The following FSTL5 variants were observed in gnomAD, a reference collection of about 807,000 sequenced individuals.
FSTL5 encodes the protein follistatin-related protein 5.
FSTL5 carries 62 observed loss-of-function variants against 89.1 expected under a neutral mutation model. The ratio of observed to expected loss-of-function variants is 0.70; its 90% CI spans 0.57 to 0.86. The LOEUF is 0.86. Ranked by LOEUF, FSTL5 falls within the 40% of genes least tolerant of loss-of-function variation. FSTL5 has a pLI of 0.00. For missense variants in FSTL5, 1,057 were observed against 1,001.6 expected, an observed-to-expected ratio of 1.06 and a Z score of -0.75; for synonymous variants, 383 against 346.2, an observed-to-expected ratio of 1.11 and a Z score of -1.18.
intron 7 of FSTL5, among the ~76,000 whole-genome samples, chr4:161,627,241 A>G (rs115113777): frequency 0.02 from 3,016 of 152,280 alleles, 85 homozygotes; most frequent in South Asian, 0.14. Flanking sequence ...CCCAATTTTC[A>G]GCTTCTACCA....
Position 161,425,428 on chromosome 4 carries a change from A to C in FSTL5, c.1841+29576T>G, listed in dbSNP as rs549446264. Among the ~76,000 whole-genome samples the C allele has an allele frequency of 4.0e-4, 61 of 152,246 alleles. 1 individual carries two copies. In the South Asian group the frequency reaches 0.013, roughly 32 times the overall value. ...GAATGTCAGCAGAACAGGTTTATAGAGCCTAGGATTTATTTATACTTAAGG... is the reference window on the plus strand; with the variant it reads ...GAATGTCAGCAGAACAGGTTTATAGCGCCTAGGATTTATTTATACTTAAGG... On this transcript the variant is annotated intron_variant, in intron 15 of 15. Transcript: ENST00000306100.
intron 2 of FSTL5, among the ~76,000 whole-genome samples, chr4:162,102,582 T>A (rs1041597261): frequency 2.1e-5 from 3 of 146,196 alleles, no homozygotes; most frequent in Non-Finnish European, 4.5e-5. Context: ...TTTATATATA[T>A]AAAATAGATA....
chr4:162,059,475 G>T (rs941085249), intron 2 of FSTL5, among the ~76,000 whole-genome samples: 2 of 152,016 alleles, frequency 1.3e-5, no homozygotes, highest in Admixed American at 6.6e-5. Flanking sequence ...ATCCTATTGG[G>T]AATTCAGAAG....
chr4:161,426,741 C>G (rs2126328538), intron 15 of FSTL5, among the ~76,000 whole-genome samples: 1 of 152,260 alleles, frequency 6.6e-6, no homozygotes, highest in South Asian at 2.1e-4. Flanking sequence ...AAAAGTAAAA[C>G]AACCTTACTT....
intron 4 of FSTL5, among the ~76,000 whole-genome samples, chr4:161,818,923 T>A (rs527606878): frequency 6.6e-6 from 1 of 152,296 alleles, no homozygotes; most frequent in African/African-American, 2.4e-5. Flanking sequence ...AATGCTGCAA[T>A]TTTATTTTCC....
intron 6 of FSTL5, among the ~76,000 whole-genome samples, chr4:161,743,123 C>A (rs1210277232): frequency 6.6e-6 from 1 of 152,022 alleles, no homozygotes; most frequent in African/African-American, 2.4e-5. Flanking sequence ...TGTTATAGCC[C>A]ATAAAACATT....
intron 3 of FSTL5, among the ~76,000 whole-genome samples, chr4:161,981,446 G>A (rs1735824556): frequency 6.6e-6 from 1 of 152,180 alleles, no homozygotes; most frequent in African/African-American, 2.4e-5. Context: ...GCTGCAACCA[G>A]AAATGTAAAA....
At chr4:161,872,322 T>A (rs1732299712) in intron 4 of FSTL5, among the ~76,000 whole-genome samples, 2 of 152,114 alleles carry the variant, frequency 1.3e-5, no homozygotes, top group African/African-American at 4.8e-5. Flanking sequence ...ATTTCACAAC[T>A]ACGTATTTTG....
intron 4 of FSTL5, among the ~76,000 whole-genome samples, chr4:161,787,400 T>C (rs1450022855): frequency 1.3e-5 from 2 of 152,040 alleles, no homozygotes; most frequent in East Asian, 1.9e-4. Context: ...ATTTGTAAAG[T>C]GTGAAGTGAA....
chr4:161,711,050 G>T (rs1236265234), intron 6 of FSTL5, among the ~76,000 whole-genome samples: 1 of 152,108 alleles, frequency 6.6e-6, no homozygotes, highest in Non-Finnish European at 1.5e-5. Flanking sequence ...AGTGCTTAGA[G>T]AGAAATTTAT....
At chr4:161,548,220 T>C (rs1732070256) in intron 8 of FSTL5, among the ~76,000 whole-genome samples, 1 of 151,912 alleles carries the variant, frequency 6.6e-6, no homozygotes, top group African/African-American at 2.4e-5. Context: ...TGCTCACTTT[T>C]GTTCATTTAA....
chr4:161,565,782 C>CACAAACACACAT (rs1180752677), intron 8 of FSTL5, among the ~76,000 whole-genome samples: 1 of 145,062 alleles, frequency 6.9e-6, no homozygotes, highest in African/African-American at 2.6e-5. Context: ...CACACACACA[C>CACAAACACACAT]ATATATATGA....
At chr4:161,794,854 C>A (rs1729586770) in intron 4 of FSTL5, among the ~76,000 whole-genome samples, 1 of 152,082 alleles carries the variant, frequency 6.6e-6, no homozygotes, top group African/African-American at 2.4e-5. Context: ...AACCATTACA[C>A]CTTTCTCTAA....
chr4:161,850,007 C>T (rs1355668084), intron 4 of FSTL5, among the ~76,000 whole-genome samples: 2 of 152,052 alleles, frequency 1.3e-5, no homozygotes, highest in Non-Finnish European at 2.9e-5. Flanking sequence ...AATGGAATTG[C>T]TTGATGTTAC....
intron 8 of FSTL5, among the ~76,000 whole-genome samples, chr4:161,569,754 C>T (rs1732937465): frequency 2.4e-5 from 1 of 40,998 alleles, no homozygotes; most frequent in Admixed American, 2.9e-4. Context: ...AAGTCCAACA[C>T]ACAAACACAC....
intron 4 of FSTL5, among the ~76,000 whole-genome samples, chr4:161,898,716 G>A (rs1235859089): frequency 6.9e-6 from 1 of 145,404 alleles, no homozygotes; most frequent in African/African-American, 2.6e-5. Flanking sequence ...TGCAAGCTCC[G>A]CCTCCCGGGT....
chr4:161,910,970 T>C (rs1733674651), intron 4 of FSTL5, among the ~76,000 whole-genome samples: 1 of 152,134 alleles, frequency 6.6e-6, no homozygotes, highest in Non-Finnish European at 1.5e-5. Context: ...AGCAACTAAG[T>C]TGTTATCCTC....
intron 6 of FSTL5, among the ~76,000 whole-genome samples, chr4:161,753,667 T>A (rs963419698): frequency 6.6e-6 from 1 of 152,302 alleles, no homozygotes; most frequent in African/African-American, 2.4e-5. Context: ...CGATAAGTAA[T>A]ATTTTAGTGT....
chr4:161,508,010 A>G (rs540729903), intron 11 of FSTL5, among the ~76,000 whole-genome samples: 1 of 152,124 alleles, frequency 6.6e-6, no homozygotes, highest in Non-Finnish European at 1.5e-5. Flanking sequence ...CACTGCTAGA[A>G]TGAAAATAAA....
Sources: gnomAD v4.1 joint callset for allele counts (sites outside exome capture counted in the v4.1 genomes callset) on GRCh38, gnomAD v4.1.1 for gene constraint, MANE v1.5 for transcripts, NCBI Gene and HGNC (gene_info 2026-07-23, HGNC 2026-07-21) for gene names.